PPARD: variants seen among roughly 807,000 people sequenced by gnomAD.
PPARD encodes the protein peroxisome proliferator activated receptor delta, also known as peroxisome proliferator-activated receptor delta.
Under a neutral mutation model 39.5 loss-of-function variants are expected in PPARD, and 6 were observed. That is an observed-to-expected ratio of 0.15 (90% CI 0.08 to 0.30). PPARD has a LOEUF of 0.30. Among genes scored for constraint, PPARD ranks in the 10% least tolerant of loss-of-function variants. The probability of loss-of-function intolerance (pLI) is 1.00; values close to 1 mark genes in which losing one functional copy is unlikely to be tolerated. For missense variants in PPARD, 397 were observed against 596.8 expected (o/e 0.67, Z 3.49); for synonymous variants, 210 against 231.3 (o/e 0.91, Z 0.83).
chr6:35,351,362 T>C (rs1761239509), intron 2 of PPARD, among the ~76,000 whole-genome samples: 1 of 152,186 alleles, frequency 6.6e-6, no homozygotes, highest in South Asian at 2.1e-4. Context: ...CCCCAAGGGC[T>C]TATGTTTACC....
In PPARD at chr6:35,378,154, G is replaced by A. The variant is rs373241857; in HGVS notation, c.-102+31004G>A. Among the ~76,000 whole-genome samples the A allele has an allele frequency of 4.0e-4, 61 of 152,192 alleles. 1 individual carries two copies. Among genetic ancestry groups the A allele is most frequent in the African/African-American group, 1.4e-3 (58 of 41,482 alleles). ...TGGGATTACAGGCATGAGCTACTGC[G>A]CCTGGCCACGTATCTCCTTTTTTCA... On this transcript the variant is annotated intron_variant, in intron 2 of 7. Coordinates refer to ENST00000360694, the MANE Select transcript of PPARD (RefSeq NM_006238.5).
chr6:35,388,358 G>A lies in PPARD; in HGVS notation c.-101-22629G>A, dbSNP rs368757168. The stretch of plus-strand genomic sequence containing the variant: ...AGGAGCCTGGTGGGCAGCACGTGCC[G>A]CGGGGGCAGGAAGGGGAGAGCTTCC... On this transcript the variant is annotated intron_variant, in intron 2 of 7. Coordinates refer to ENST00000360694, the MANE Select transcript of PPARD (RefSeq NM_006238.5). Among the ~76,000 whole-genome samples, 46 of 152,222 alleles carry A rather than the reference G, an allele frequency of 3.0e-4. 1 individual carries two copies. In the East Asian group the frequency reaches 6.8e-3, roughly 22 times the overall value.
intron 2 of PPARD, among the ~76,000 whole-genome samples, chr6:35,355,680 C>T (rs1314303651): frequency 2.5e-5 from 3 of 121,952 alleles, no homozygotes; most frequent in Non-Finnish European, 4.8e-5. Flanking sequence ...GGCGTGATCT[C>T]GGCTCACTGC....
At chr6:35,373,485 GA>G (rs1381119693) in intron 2 of PPARD, among the ~76,000 whole-genome samples, 2 of 152,038 alleles carry the variant, frequency 1.3e-5, no homozygotes, top group Non-Finnish European at 1.5e-5. Flanking sequence ...GGGACATGGA[GA>G]AAAAAACATT....
intron 2 of PPARD, among the ~76,000 whole-genome samples, chr6:35,392,766 CCTT>C (rs1246403524): frequency 6.6e-6 from 1 of 152,120 alleles, no homozygotes; most frequent in Non-Finnish European, 1.5e-5. Context: ...CTCTTAGTGA[CCTT>C]CTGCTCTGGT....
intron 2 of PPARD, among the ~76,000 whole-genome samples, chr6:35,347,385 G>T (rs376031840): frequency 6.6e-6 from 1 of 151,996 alleles, no homozygotes; most frequent in African/African-American, 2.4e-5. Context: ...CCACCTTTGC[G>T]CCCATTAAAA....
chr6:35,375,209 G>GTTTTTTTTTTT (rs558275286), intron 2 of PPARD, among the ~76,000 whole-genome samples: 3 of 59,232 alleles, frequency 5.1e-5, no homozygotes, highest in Non-Finnish European at 8.9e-5. Flanking sequence ...CTCCTTCCGA[G>GTTTTTTTTTTT]TTTTTTTTTT....
Position 35,422,021 on chromosome 6 carries a change from G to A in PPARD, c.424+63G>A, listed in dbSNP as rs923125845. 15 of 1,519,594 alleles carry A rather than the reference G, an allele frequency of 9.9e-6. No individual in the cohort carries two copies. In the Admixed American group the frequency reaches 2.7e-4, roughly 27 times the overall value. 94.1% of individuals were successfully genotyped at this position (1,519,594 alleles called of 1,614,324 possible). A position where few individuals can be genotyped will look rare whatever the true frequency, so the allele number is the denominator to read the frequency against. ...CCACACAGCCTGAAACCAAGGTCCA[G>A]GGAGCCCTTGGGGCAGCCTAGAGGG... On this transcript the variant is annotated intron_variant, in intron 5 of 7. Coordinates refer to ENST00000360694, the MANE Select transcript of PPARD (RefSeq NM_006238.5).
chr6:35,401,030 TTGTA>T lies in PPARD; in HGVS notation c.-101-9953_-101-9950del. On this transcript the variant is annotated intron_variant, in intron 2 of 7. Coordinates refer to ENST00000360694, the MANE Select transcript of PPARD (RefSeq NM_006238.5). This position sits in a 1 kb window ranked among gnomAD's most constrained non-coding sequence, Gnocchi z 4.1. ...ACGTCTGCTCCCCAGATACCTGTGTTTGTATGTGTGTGTCATAGTCGGGAATCAC... is the reference window on the plus strand; with the variant it reads ...ACGTCTGCTCCCCAGATACCTGTGTTTGTGTGTGTCATAGTCGGGAATCAC... Among the ~76,000 whole-genome samples the T allele has an allele frequency of 6.6e-6, 1 of 152,170 alleles. No homozygotes were observed. Among genetic ancestry groups the T allele is most frequent in the East Asian group, 1.9e-4 (1 of 5,168 alleles).
intron 3 of PPARD, among the ~76,000 whole-genome samples, chr6:35,414,382 C>T (rs750574384): frequency 2.6e-5 from 4 of 152,112 alleles, no homozygotes; most frequent in Non-Finnish European, 5.9e-5. Flanking sequence ...TTTTTCTCAA[C>T]AAGTCTGCAC....
intron 2 of PPARD, among the ~76,000 whole-genome samples, chr6:35,361,353 A>G (rs561480876): frequency 5.3e-5 from 8 of 152,306 alleles, no homozygotes; most frequent in Admixed American, 1.3e-4. Context: ...TAGACCAAAC[A>G]GAACTTCAAG....
At chr6:35,377,020 A>G (rs527847651) in intron 2 of PPARD, among the ~76,000 whole-genome samples, 1 of 127,794 alleles carries the variant, frequency 7.8e-6, no homozygotes, top group East Asian at 4.6e-4. Flanking sequence ...ACTCTGTCTC[A>G]AAAAAAAAAA....
Position 35,425,896 on chromosome 6 carries a change from C to G in PPARD, c.1143C>G (p.Leu381=), listed in dbSNP as rs201764649. 6.2e-7 allele frequency: 1 copy of G among 1,614,034 alleles called. No homozygotes were observed. Among genetic ancestry groups the G allele is most frequent in the Non-Finnish European group, 8.5e-7 (1 of 1,180,044 alleles). The change falls in exon 8 of 8, where the codon CTC becomes CTG. Residue 381 remains leucine (L), a synonymous_variant. Coordinates refer to ENST00000360694, the MANE Select transcript of PPARD (RefSeq NM_006238.5). The surrounding 1 kb of genome is among the most constrained non-coding windows in gnomAD (Gnocchi z 4.5). ...TCCAGGACACCATCCTGCGTGCCCT[C>G]GAATTCCACCTGCAGGCCAACCACC... ...EAIQDTILRA[L]EFHLQANHPD...
At position 35,424,767 on chromosome 6, in the gene PPARD, A is replaced by G; in HGVS notation, c.1066A>G (p.Ile356Val). ...SDLALFIAAIILCGDRPGLMN... is the reference protein window; with the variant it reads ...SDLALFIAAIVLCGDRPGLMN... ...CCTGGCCCTATTCATTGCGGCCATCATTCTGTGTGGAGGTGAGTGAGAGTG... is the reference window on the plus strand; with the variant it reads ...CCTGGCCCTATTCATTGCGGCCATCGTTCTGTGTGGAGGTGAGTGAGAGTG... Residue 356 changes from isoleucine (I) to valine (V), a missense_variant, in exon 7 of 8, where the codon ATT becomes GTT. Physicochemically the swap from Ile to Val is conservative, Grantham distance 29. Coordinates refer to ENST00000360694, the MANE Select transcript of PPARD (RefSeq NM_006238.5). This position sits in a 1 kb window ranked among gnomAD's most constrained non-coding sequence, Gnocchi z 7.1. 6.2e-7 allele frequency: 1 copy of G among 1,614,018 alleles called. No homozygotes were observed. The highest frequency in any genetic ancestry group is 8.5e-7 in the Non-Finnish European group (1 of 1,179,944).
At chr6:35,383,958 C>T (rs1312037203) in intron 2 of PPARD, among the ~76,000 whole-genome samples, 2 of 129,138 alleles carry the variant, frequency 1.5e-5, no homozygotes, top group Admixed American at 6.9e-5. Context: ...AGCCCCCCCG[C>T]CAGGCCAGCA....
chr6:35,395,838 A>G (rs1764279026), intron 2 of PPARD, among the ~76,000 whole-genome samples: 3 of 152,168 alleles, frequency 2.0e-5, no homozygotes, highest in African/African-American at 7.2e-5. Context: ...TCACTCTTCC[A>G]TGTTCCAATT....
chr6:35,345,874 G>GTTT (rs947186291), intron 1 of PPARD, among the ~76,000 whole-genome samples: 51 of 114,598 alleles, frequency 4.5e-4, no homozygotes, highest in East Asian at 7.2e-4. Flanking sequence ...CTTTTTTTTC[G>GTTT]TTTTTTTTTT....
chr6:35,347,584 AATATAT>A (rs112387803), intron 2 of PPARD, among the ~76,000 whole-genome samples: 2 of 147,220 alleles, frequency 1.4e-5, no homozygotes, highest in Non-Finnish European at 3.0e-5. Context: ...TTAGGGGGCA[AATATAT>A]ATATATATAT....
At chr6:35,383,735 G>T in intron 2 of PPARD, among the ~76,000 whole-genome samples, 1 of 145,080 alleles carries the variant, frequency 6.9e-6, no homozygotes, top group Non-Finnish European at 1.5e-5. Flanking sequence ...CGTCTGGGAG[G>T]TGAGGAGCAT....
Sources: allele counts gnomAD v4.1 joint callset (sites outside exome capture counted in the v4.1 genomes callset), GRCh38; gene constraint gnomAD v4.1.1; non-coding constraint Gnocchi (gnomAD v3.1); transcripts MANE v1.5; gene names NCBI Gene and HGNC (gene_info 2026-07-23, HGNC 2026-07-21).